Variants in SPECC1 observed in about 807,000 individuals in gnomAD.
SPECC1 encodes the protein cytospin-B.
SPECC1 carries 62 observed loss-of-function variants against 104.1 expected under a neutral mutation model. The observed-to-expected ratio is 0.60, with a 90% CI of 0.49 to 0.74. The LOEUF is 0.74. Ranked by LOEUF, SPECC1 falls within the 30% of genes least tolerant of loss-of-function variation. The pLI is 0.00. For missense variants in SPECC1, 1,306 were observed against 1,310.5 expected (o/e 1.00, Z 0.05); for synonymous variants, 513 against 501.6 (o/e 1.02, Z -0.30).
chr17:20,221,211 A>G (rs867458569), intron 4 of SPECC1, among the ~76,000 whole-genome samples: 5 of 151,874 alleles, frequency 3.3e-5, no homozygotes, highest in Admixed American at 6.6e-5. Flanking sequence ...CTTCTCTTCT[A>G]TTTCTTGGAA....
chr17:20,067,541 A>T (rs2152477702), intron 1 of SPECC1, among the ~76,000 whole-genome samples: 1 of 152,200 alleles, frequency 6.6e-6, no homozygotes, highest in Non-Finnish European at 1.5e-5. Context: ...TGTATTTTCC[A>T]CCAAAATATA....
chr17:20,204,932 A>G lies in SPECC1; in HGVS notation c.883A>G (p.Ser295Gly), dbSNP rs1418121587. Residue 295 changes from serine to glycine, a missense_variant, in exon 4 of 15, where the codon AGT (serine) becomes GGT (glycine). Coordinates refer to ENST00000395527, the MANE Select transcript of SPECC1 (RefSeq NM_001243439.2). ...FGSPTGNQMS[S>G]DIDEYKKNIH... is the part of the protein sequence containing the mutation. ...AAGCCCAACTGGAAATCAGATGTCCAGTGACATTGATGAGTATAAAAAAAA... is the reference window on the plus strand; with the variant it reads ...AAGCCCAACTGGAAATCAGATGTCCGGTGACATTGATGAGTATAAAAAAAA... 6 of 1,614,140 alleles carry G rather than the reference A, an allele frequency of 3.7e-6. No individual in the cohort carries two copies. The highest frequency in any genetic ancestry group is 1.3e-5 in the African/African-American group (1 of 75,054).
intron 3 of SPECC1, among the ~76,000 whole-genome samples, chr17:20,150,847 T>C (rs985879083): frequency 6.6e-6 from 1 of 152,150 alleles, no homozygotes; most frequent in Non-Finnish European, 1.5e-5. Flanking sequence ...ATTTCAGATA[T>C]AGTTATTTCT....
At chr17:20,238,899 C>T in intron 7 of SPECC1, 1 of 1,042,780 alleles carries the variant, frequency 9.6e-7, no homozygotes. Flanking sequence ...GAAGCGTCTG[C>T]TGCTTAGTTT....
chr17:20,150,977 A>G (rs180954097), intron 3 of SPECC1, among the ~76,000 whole-genome samples: 8 of 152,354 alleles, frequency 5.3e-5, no homozygotes, highest in Admixed American at 5.2e-4. Context: ...TTATGCCTGT[A>G]TATAAGGGAT....
Position 20,205,536 on chromosome 17 carries a change from G to A in SPECC1, c.1487G>A (p.Arg496Gln), listed in dbSNP as rs181092726. 1.6e-5 allele frequency: 26 copies of A among 1,614,034 alleles called. No individual in the cohort carries two copies. In the Middle Eastern group the frequency reaches 1.2e-3, roughly 72 times the overall value. Residue 496 changes from arginine (R) to glutamine (Q), a missense_variant, in exon 4 of 15, where the codon CGG becomes CAG. By Grantham distance (43) the Arg-to-Gln change is conservative. Around this residue, in one of 2 missense-constraint regions of SPECC1, gnomAD observed 1,177 missense variants for 1,139.9 expected, o/e 1.03. Transcript: ENST00000395527. Reference protein sequence around the residue: ...NIQQQLTCSLRKVEEENQGAL... With the variant: ...NIQQQLTCSLQKVEEENQGAL... The stretch of plus-strand genomic sequence containing the variant: ...CAGCAGCAGTTGACCTGTAGCTTGC[G>A]GAAGGTTGAGGAAGAAAACCAAGGA...
At chr17:20,063,662 A>G (rs949360496) in intron 1 of SPECC1, among the ~76,000 whole-genome samples, 1 of 152,204 alleles carries the variant, frequency 6.6e-6, no homozygotes, top group Non-Finnish European at 1.5e-5. Context: ...TGTTGGCATC[A>G]TTCTCCTTCA....
chr17:20,232,438 T>A, intron 7 of SPECC1, 33 bp downstream of exon 7: 1 of 1,570,828 alleles, frequency 6.4e-7, no homozygotes, highest in South Asian at 1.1e-5. Flanking sequence ...CCGTGCTTGC[T>A]TCTCAATCAC....
chr17:20,217,164 A>G (rs1198377152), intron 4 of SPECC1, among the ~76,000 whole-genome samples: 1 of 151,894 alleles, frequency 6.6e-6, no homozygotes, highest in East Asian at 1.9e-4. Flanking sequence ...CTCTCTTCAT[A>G]TGTTATTCTG....
intron 1 of SPECC1, among the ~76,000 whole-genome samples, chr17:20,072,006 A>T (rs1438191428): frequency 6.6e-6 from 1 of 152,156 alleles, no homozygotes; most frequent in Non-Finnish European, 1.5e-5. Context: ...TTTTCCCATA[A>T]CTAGTGGAGC....
chr17:20,219,080 T>C (rs1440867531), intron 4 of SPECC1, among the ~76,000 whole-genome samples: 1 of 152,258 alleles, frequency 6.6e-6, no homozygotes, highest in Non-Finnish European at 1.5e-5. Context: ...TTCCAAGTCT[T>C]GGCTATTGTA....
chr17:20,011,643 T>G (rs2043947673), intron 1 of SPECC1, among the ~76,000 whole-genome samples: 1 of 152,208 alleles, frequency 6.6e-6, no homozygotes, highest in South Asian at 2.1e-4. Context: ...AATTTCTGTT[T>G]TTTATCTTTC....
chr17:20,235,007 A>T (rs2038824845), intron 7 of SPECC1, among the ~76,000 whole-genome samples: 1 of 152,200 alleles, frequency 6.6e-6, no homozygotes, highest in Non-Finnish European at 1.5e-5. Context: ...GCAATATCTC[A>T]TTCCCAGTGT....
chr17:20,262,538 T>G (rs2040066024), intron 12 of SPECC1, among the ~76,000 whole-genome samples: 2 of 152,240 alleles, frequency 1.3e-5, no homozygotes, highest in African/African-American at 2.4e-5. Flanking sequence ...TGCATTTTCC[T>G]GTTGGCTGGG....
At chr17:20,068,963 C>CT (rs936150646) in intron 1 of SPECC1, among the ~76,000 whole-genome samples, 13 of 151,822 alleles carry the variant, frequency 8.6e-5, no homozygotes, top group South Asian at 2.1e-4. Context: ...TTTTCATTTT[C>CT]TTTTTTTTAA....
At chr17:20,313,855 C>G (rs762298070) in intron 14 of SPECC1, 121 bp from the exon 15 acceptor site, 27 of 855,152 alleles carry the variant, frequency 3.2e-5, no homozygotes, top group Non-Finnish European at 4.7e-5. Flanking sequence ...CCTTCACGTT[C>G]TGTCTGTGTA....
In SPECC1 at chr17:20,232,048, C is replaced by G. The variant is rs1416020903; in HGVS notation, c.2146-152C>G. 5 of 980,572 alleles carry G rather than the reference C, an allele frequency of 5.1e-6. No homozygotes were observed. In the Admixed American group the frequency reaches 1.1e-4, roughly 21 times the overall value. 60.7% of individuals were successfully genotyped at this position (980,572 alleles called of 1,614,324 possible). ...CCTGAAGGTGTAATTCCACCAGTGC[C>G]TTTTCCTAGCAGTGAGCCACCGTGT... On this transcript the variant is annotated intron_variant, in intron 6 of 14. Transcript: ENST00000395527.
intron 1 of SPECC1, among the ~76,000 whole-genome samples, chr17:20,088,754 C>T (rs868750803): frequency 1.5e-4 from 23 of 152,106 alleles, no homozygotes; most frequent in African/African-American, 5.6e-4. Flanking sequence ...ATGCTATTGT[C>T]TGAATGTTGA....
chr17:20,121,447 T>C (rs1279707025), intron 3 of SPECC1, among the ~76,000 whole-genome samples: 1 of 152,048 alleles, frequency 6.6e-6, no homozygotes, highest in African/African-American at 2.4e-5. Flanking sequence ...TCATAGCTCA[T>C]TGCAGCCTCC....
Sources: gnomAD v4.1 joint callset for allele counts (sites outside exome capture counted in the v4.1 genomes callset) on GRCh38, gnomAD v4.1.1 for gene constraint, gnomAD v4.1.1 regional missense constraint, MANE v1.5 for transcripts, NCBI Gene and HGNC (gene_info 2026-07-23, HGNC 2026-07-21) for gene names.